RSRC1: variants seen among roughly 807,000 people sequenced by gnomAD.
RSRC1 encodes the protein arginine and serine rich coiled-coil 1.
A neutral mutation model predicts 49.1 loss-of-function variants in RSRC1; 39 were observed. That is an observed-to-expected ratio of 0.79 (90% CI 0.61 to 1.04). The LOEUF (loss-of-function observed/expected upper bound fraction) is 1.04, where lower values mean the gene tolerates loss of function less well. RSRC1 is among the 50% of genes least tolerant of loss of function. The pLI is 0.00. For missense variants in RSRC1, 388 were observed against 402.4 expected (o/e 0.96, Z 0.31); for synonymous variants, 143 against 130.8 (o/e 1.09, Z -0.63).
chr3:158,309,806 C>T (rs1354937669), intron 5 of RSRC1, among the ~76,000 whole-genome samples: 2 of 151,578 alleles, frequency 1.3e-5, no homozygotes, highest in Non-Finnish European at 3.0e-5. Flanking sequence ...CTGGAAATGA[C>T]CTCCTAGGTT....
chr3:158,382,185 A>C (rs971925014), intron 6 of RSRC1, among the ~76,000 whole-genome samples: 1 of 152,114 alleles, frequency 6.6e-6, no homozygotes, highest in Non-Finnish European at 1.5e-5. Flanking sequence ...TCCCATCTCC[A>C]TATCTTGTCC....
chr3:158,364,677 G>GC (rs1731658847), intron 6 of RSRC1, among the ~76,000 whole-genome samples: 2 of 151,978 alleles, frequency 1.3e-5, no homozygotes, highest in African/African-American at 4.8e-5. Context: ...CAGTAAGTAT[G>GC]AAAGACAATA....
At chr3:158,332,755 G>A (rs1729623150) in intron 5 of RSRC1, among the ~76,000 whole-genome samples, 1 of 151,592 alleles carries the variant, frequency 6.6e-6, no homozygotes, top group Admixed American at 6.6e-5. Flanking sequence ...ATTTTGCTAT[G>A]TATTTTTCTA....
At chr3:158,274,068 G>A (rs977072681) in intron 4 of RSRC1, among the ~76,000 whole-genome samples, 8 of 152,040 alleles carry the variant, frequency 5.3e-5, no homozygotes, top group African/African-American at 1.2e-4. Flanking sequence ...TTTGGAAACC[G>A]AAGCCATTTG....
intron 3 of RSRC1, among the ~76,000 whole-genome samples, chr3:158,177,123 A>G (rs1719270417): frequency 6.6e-6 from 1 of 152,252 alleles, no homozygotes; most frequent in Non-Finnish European, 1.5e-5. Context: ...AATGTCCATC[A>G]TTAAAAAGTC....
chr3:158,383,562 G>A (rs1194628965), intron 6 of RSRC1, among the ~76,000 whole-genome samples: 1 of 152,104 alleles, frequency 6.6e-6, no homozygotes, highest in Non-Finnish European at 1.5e-5. Context: ...AGTACAGGTG[G>A]TGCCATGCAT....
At chr3:158,236,521 T>C (rs1359163076) in intron 4 of RSRC1, among the ~76,000 whole-genome samples, 1 of 152,226 alleles carries the variant, frequency 6.6e-6, no homozygotes, top group Admixed American at 6.5e-5. Context: ...TCACTTACAA[T>C]AGATTAGTTC....
intron 5 of RSRC1, among the ~76,000 whole-genome samples, chr3:158,344,139 A>T (rs917023532): frequency 5.9e-5 from 9 of 152,112 alleles, no homozygotes; most frequent in Admixed American, 1.3e-4. Context: ...TGCGCCTGTA[A>T]TCCTAGCTAC....
intron 7 of RSRC1, among the ~76,000 whole-genome samples, chr3:158,473,501 C>T (rs150041366): frequency 0.011 from 1,639 of 151,654 alleles, 21 homozygotes; most frequent in African/African-American, 0.038. Context: ...CATCACACAC[C>T]GGGGCCTGTT....
intron 4 of RSRC1, among the ~76,000 whole-genome samples, chr3:158,297,627 A>G (rs1449055709): frequency 6.6e-6 from 1 of 151,976 alleles, no homozygotes; most frequent in Non-Finnish European, 1.5e-5. Flanking sequence ...ACCAAATATA[A>G]TAAGATGTGA....
At position 158,475,857 on chromosome 3, in the gene RSRC1, C is replaced by T. The variant is rs1190046248; in HGVS notation, c.652+14854C>T. 2.6e-5 allele frequency among the ~76,000 whole-genome samples: 4 copies of T among 152,088 alleles called. No individual in the cohort carries two copies. In the East Asian group the frequency reaches 7.7e-4, roughly 29 times the overall value. On this transcript the variant is annotated intron_variant, in intron 7 of 9. Transcript: ENST00000611884. ...GTGAAAGGAAGAGTTGCATGTCCCT[C>T]ACTTACATCAAAAGCCAGAAGTGAC...
intron 7 of RSRC1, among the ~76,000 whole-genome samples, chr3:158,512,181 T>C (rs1364276451): frequency 6.7e-6 from 1 of 148,508 alleles, no homozygotes; most frequent in East Asian, 1.9e-4. Flanking sequence ...AGACATGAAG[T>C]CCTTGCCCAT....
chr3:158,301,882 C>G lies in RSRC1; in HGVS notation c.531+3807C>G, dbSNP rs936270778. Among the ~76,000 whole-genome samples the G allele has an allele frequency of 7.9e-5, 12 of 152,142 alleles. 1 individual carries two copies. In the Middle Eastern group the frequency reaches 0.014, roughly 172 times the overall value. ...CAGTGGTATTCTCAGAGAGATGTGT[C>G]ACTCTCTTGCTTTCTAGCCTGTTCT... On this transcript the variant is annotated intron_variant, in intron 5 of 9. Transcript: ENST00000611884.
At chr3:158,388,405 G>A (rs539040599) in intron 6 of RSRC1, among the ~76,000 whole-genome samples, 20 of 151,990 alleles carry the variant, frequency 1.3e-4, no homozygotes, top group African/African-American at 4.6e-4. Context: ...ATTATTTCAT[G>A]ATTCCCATAT....
intron 7 of RSRC1, among the ~76,000 whole-genome samples, chr3:158,518,245 TA>T (rs1320123937): frequency 6.7e-6 from 1 of 148,722 alleles, no homozygotes; most frequent in East Asian, 2.0e-4. Flanking sequence ...GACTGGGTTT[TA>T]AAAAGCAAGA....
chr3:158,313,480 G>C (rs1311443781), intron 5 of RSRC1, among the ~76,000 whole-genome samples: 1 of 152,184 alleles, frequency 6.6e-6, no homozygotes, highest in Non-Finnish European at 1.5e-5. Context: ...ATTTGTGCCT[G>C]TAATGAGACC....
At chr3:158,378,719 C>T (rs527911460) in intron 6 of RSRC1, among the ~76,000 whole-genome samples, 2 of 152,282 alleles carry the variant, frequency 1.3e-5, no homozygotes, top group South Asian at 4.1e-4. Flanking sequence ...TTCCTCCTTA[C>T]TTCCAGTGGC....
At chr3:158,537,912 A>C (rs1023763165) in intron 8 of RSRC1, among the ~76,000 whole-genome samples, 1 of 151,796 alleles carries the variant, frequency 6.6e-6, no homozygotes, top group African/African-American at 2.4e-5. Context: ...TTATCAAATA[A>C]GTAGTTTTAA....
At position 158,276,402 on chromosome 3, in the gene RSRC1, A is replaced by G. The variant is rs1449786431; in HGVS notation, c.495-21637A>G. 13 of 764,144 alleles carry G rather than the reference A, an allele frequency of 1.7e-5. No homozygotes were observed. In the East Asian group the frequency reaches 2.7e-4, roughly 16 times the overall value. The allele number at this position is 764,144 out of a possible 1,614,324, so 47.3% of individuals were successfully genotyped here. A position where few individuals can be genotyped will look rare whatever the true frequency, so the allele number is the denominator to read the frequency against. ...AGGCTGCTTTCTCCATAGCTCCTGG[A>G]TGTGCTTGTATGCACCCATCTTGGC... On this transcript the variant is annotated intron_variant, in intron 4 of 9. Coordinates refer to ENST00000611884, the MANE Select transcript of RSRC1 (RefSeq NM_001271838.2).
Sources: allele counts gnomAD v4.1 joint callset (sites outside exome capture counted in the v4.1 genomes callset), GRCh38; gene constraint gnomAD v4.1.1; transcripts MANE v1.5; gene names NCBI Gene and HGNC (gene_info 2026-07-23, HGNC 2026-07-21).